Variants in MME observed in about 807,000 individuals in gnomAD.
The protein encoded by MME is neprilysin.
MME carries 98 observed loss-of-function variants against 113.2 expected under a neutral mutation model. That is an observed-to-expected ratio of 0.87 (90% CI 0.74 to 1.02). The LOEUF (loss-of-function observed/expected upper bound fraction) is 1.02, where lower values mean the gene tolerates loss of function less well. MME is among the 50% of genes least tolerant of loss of function. The pLI, the probability that MME is intolerant of heterozygous loss-of-function variation, is 0.00. For synonymous variants in MME, 292 were observed against 300.6 expected (o/e 0.97, Z 0.30); for missense variants, 836 against 896.0 (o/e 0.93, Z 0.86).
chr3:155,025,694 T>C (rs1006638826), intron 1 of MME, among the ~76,000 whole-genome samples: 4 of 133,940 alleles, frequency 3.0e-5, no homozygotes, highest in East Asian at 2.1e-4. Flanking sequence ...TCTTTCTTTT[T>C]TTTTTTTTTT....
intron 3 of MME, among the ~76,000 whole-genome samples, chr3:155,100,927 C>T (rs995484916): frequency 6.6e-6 from 1 of 152,118 alleles, no homozygotes; most frequent in East Asian, 1.9e-4. Context: ...TTTGTCCTCG[C>T]CCAAATCTCA....
chr3:155,098,618 G>A (rs1000719874), intron 3 of MME, among the ~76,000 whole-genome samples: 1 of 151,466 alleles, frequency 6.6e-6, no homozygotes, highest in Non-Finnish European at 1.5e-5. Flanking sequence ...CAGGTGTAGA[G>A]GGAATAAAGA....
intron 22 of MME, among the ~76,000 whole-genome samples, chr3:155,175,527 C>G (rs1485949182): frequency 1.3e-5 from 2 of 151,744 alleles, no homozygotes; most frequent in Non-Finnish European, 2.9e-5. Context: ...TATATGTAAT[C>G]TATAAATATG....
chr3:155,124,994 A>T (rs1185718915), intron 8 of MME, among the ~76,000 whole-genome samples: 9 of 152,068 alleles, frequency 5.9e-5, no homozygotes, highest in Non-Finnish European at 1.0e-4. Context: ...AAGCCTGGGC[A>T]ATGGCAGGCG....
At chr3:155,169,584 A>T (rs1711681246) in intron 20 of MME, among the ~76,000 whole-genome samples, 1 of 152,204 alleles carries the variant, frequency 6.6e-6, no homozygotes, top group Non-Finnish European at 1.5e-5. Context: ...ATGATGGTCT[A>T]GGAAGCAACA....
chr3:155,105,265 T>C (rs981112651), intron 3 of MME, among the ~76,000 whole-genome samples: 1 of 152,222 alleles, frequency 6.6e-6, no homozygotes, highest in Non-Finnish European at 1.5e-5. Flanking sequence ...TATATGACTA[T>C]ATACATGTTA....
At chr3:155,087,054 T>G (rs1715812464) in intron 3 of MME, among the ~76,000 whole-genome samples, 1 of 150,548 alleles carries the variant, frequency 6.6e-6, no homozygotes. Flanking sequence ...CCAAGCTTGG[T>G]CTTGAACTCC....
chr3:155,079,626 G>A (rs1285709053), upstream of MME: 1 of 146,642 alleles, frequency 6.8e-6, no homozygotes. Flanking sequence ...GGCGGGGTAG[G>A]GGGTGGGGGG....
At chr3:155,125,001 G>A (rs1472345329) in intron 8 of MME, among the ~76,000 whole-genome samples, 10 of 152,114 alleles carry the variant, frequency 6.6e-5, no homozygotes, top group Non-Finnish European at 1.3e-4. Flanking sequence ...GGCAATGGCA[G>A]GCGCCCCTCC....
At chr3:155,110,201 C>T (rs774674597) in intron 3 of MME, among the ~76,000 whole-genome samples, 9 of 152,234 alleles carry the variant, frequency 5.9e-5, no homozygotes, top group East Asian at 1.9e-4. Flanking sequence ...CTGCTTCTCA[C>T]GTGCTCCCCA....
At chr3:155,086,921 G>A (rs1359631511) in intron 3 of MME, among the ~76,000 whole-genome samples, 3 of 152,006 alleles carry the variant, frequency 2.0e-5, no homozygotes, top group African/African-American at 7.2e-5. Context: ...CCTCCTGCCT[G>A]AGCCTCCTGA....
chr3:155,036,856 A>T (rs1193397947), intron 1 of MME, among the ~76,000 whole-genome samples: 3 of 152,180 alleles, frequency 2.0e-5, no homozygotes, highest in Admixed American at 6.5e-5. Context: ...GCCTTTTTCT[A>T]GAAGATTTAC....
chr3:155,039,722 A>T (rs1157244621), intron 1 of MME, among the ~76,000 whole-genome samples: 1 of 152,174 alleles, frequency 6.6e-6, no homozygotes, highest in Non-Finnish European at 1.5e-5. Context: ...GGAAAAAGGG[A>T]TAATCATGTG....
At chr3:155,118,464 T>C (rs762306398) in intron 7 of MME, among the ~76,000 whole-genome samples, 1 of 152,248 alleles carries the variant, frequency 6.6e-6, no homozygotes, top group Non-Finnish European at 1.5e-5. Context: ...CACCTTCTGC[T>C]CTGCATTAAA....
chr3:155,107,888 C>T (rs1029157262), intron 3 of MME, among the ~76,000 whole-genome samples: 1 of 152,070 alleles, frequency 6.6e-6, no homozygotes, highest in Non-Finnish European at 1.5e-5. Context: ...GCTCCACAAC[C>T]ATAGTGTGGA....
chr3:155,064,288 C>CA lies in MME; in HGVS notation c.-10-19861dup, dbSNP rs945660909. ...TGGGCAACAGAGTGAGACTCTGTCTCAAAAAAAAATTATACATATATAATA... is the reference window on the plus strand; with the variant it reads ...TGGGCAACAGAGTGAGACTCTGTCTCAAAAAAAAAATTATACATATATAATA... On this transcript the variant is annotated intron_variant, in intron 1 of 22. Transcript: ENST00000492661. 8.7e-5 allele frequency among the ~76,000 whole-genome samples: 13 copies of CA among 150,176 alleles called. No individual in the cohort carries two copies. The South Asian group carries it at 1.1e-3, about 12-fold the overall frequency.
intron 1 of MME, among the ~76,000 whole-genome samples, chr3:155,042,900 TTATATATA>T (rs1159626877): frequency 7.3e-4 from 46 of 62,944 alleles, no homozygotes; most frequent in African/African-American, 2.3e-3. Flanking sequence ...ATAGTAGGTT[TTATATATA>T]TATATATATA....
chr3:155,108,313 G>T (rs1390858758), intron 3 of MME, among the ~76,000 whole-genome samples: 1 of 152,062 alleles, frequency 6.6e-6, no homozygotes, highest in Non-Finnish European at 1.5e-5. Context: ...AAATTAAACT[G>T]GGCCGGGTGT....
intron 8 of MME, among the ~76,000 whole-genome samples, chr3:155,125,445 T>G (rs1013653615): frequency 2.1e-4 from 5 of 24,034 alleles, no homozygotes; most frequent in South Asian, 2.2e-3. Context: ...CTCCTCCTCC[T>G]TTTTTTTTTT....
Sources: allele counts gnomAD v4.1 joint callset (sites outside exome capture counted in the v4.1 genomes callset), GRCh38; gene constraint gnomAD v4.1.1; transcripts MANE v1.5; gene names NCBI Gene and HGNC (gene_info 2026-07-23, HGNC 2026-07-21).